AOAH: variants seen among roughly 807,000 people sequenced by gnomAD.
The protein encoded by AOAH is acyloxyacyl hydrolase (neutrophil).
Under a neutral mutation model 92.2 loss-of-function variants are expected in AOAH, and 64 were observed. The ratio of observed to expected loss-of-function variants is 0.69; its 90% CI spans 0.57 to 0.86. AOAH has a LOEUF of 0.86. AOAH is among the 40% of genes least tolerant of loss of function. AOAH has a pLI of 0.00. For missense variants in AOAH, 656 were observed against 694.6 expected, an observed-to-expected ratio of 0.94 and a Z score of 0.62; for synonymous variants, 263 against 254.5, an observed-to-expected ratio of 1.03 and a Z score of -0.32.
chr7:36,652,454 T>C (rs887671902), intron 4 of AOAH, among the ~76,000 whole-genome samples: 4 of 151,892 alleles, frequency 2.6e-5, no homozygotes, highest in Non-Finnish European at 5.9e-5. Flanking sequence ...TTCCATGTTC[T>C]GGGAGCAGGG....
At chr7:36,659,587 G>A (rs1795087438) in intron 3 of AOAH, among the ~76,000 whole-genome samples, 1 of 152,154 alleles carries the variant, frequency 6.6e-6, no homozygotes, top group Non-Finnish European at 1.5e-5. Flanking sequence ...AAAGTGGGCA[G>A]GGACGTAACT....
chr7:36,518,087 A>G (rs1166531610), intron 20 of AOAH, among the ~76,000 whole-genome samples: 1 of 152,174 alleles, frequency 6.6e-6, no homozygotes, highest in East Asian at 1.9e-4. Context: ...GAGTTTGACA[A>G]ATGCATACAG....
At chr7:36,625,706 G>A (rs902112579) in intron 6 of AOAH, among the ~76,000 whole-genome samples, 3 of 152,140 alleles carry the variant, frequency 2.0e-5, no homozygotes, top group Non-Finnish European at 4.4e-5. Context: ...TTCAGGTGTG[G>A]GCTGTAGCCA....
At chr7:36,645,101 A>G (rs1267879104) in intron 4 of AOAH, among the ~76,000 whole-genome samples, 1 of 152,184 alleles carries the variant, frequency 6.6e-6, no homozygotes, top group Non-Finnish European at 1.5e-5. Flanking sequence ...ATAAATAACT[A>G]CAGCATGAGG....
intron 20 of AOAH, chr7:36,514,755 C>G (rs1790241379): frequency 3.4e-6 from 2 of 593,520 alleles, no homozygotes; most frequent in Non-Finnish European, 5.9e-6. Context: ...AGGGATATCC[C>G]TGACTTTTCC....
At chr7:36,685,055 G>T (rs1478508849) in intron 2 of AOAH, among the ~76,000 whole-genome samples, 2 of 151,194 alleles carry the variant, frequency 1.3e-5, no homozygotes, top group African/African-American at 2.4e-5. Context: ...AAAGAAATCA[G>T]ATTGGAATAG....
chr7:36,669,786 T>A (rs1795796364), intron 3 of AOAH, among the ~76,000 whole-genome samples: 1 of 152,214 alleles, frequency 6.6e-6, no homozygotes, highest in Non-Finnish European at 1.5e-5. Context: ...TTAAAACTGT[T>A]AGTAGTTTAT....
At chr7:36,616,957 T>G (rs572250979) in intron 10 of AOAH, among the ~76,000 whole-genome samples, 1 of 152,236 alleles carries the variant, frequency 6.6e-6, no homozygotes, top group Non-Finnish European at 1.5e-5. Context: ...TTCTGACTGA[T>G]GGAGACACGG....
chr7:36,670,796 A>C (rs1584079048), intron 3 of AOAH, among the ~76,000 whole-genome samples: 2 of 152,212 alleles, frequency 1.3e-5, no homozygotes, highest in South Asian at 2.1e-4. Context: ...TTCTTTCTCC[A>C]TACCTATGCC....
At position 36,659,261 on chromosome 7, in the gene AOAH, T is replaced by C. The variant is rs1256640387; in HGVS notation, c.295A>G (p.Ser99Gly). 6.2e-7 allele frequency: 1 copy of C among 1,613,642 alleles called. No homozygotes were observed. The highest frequency in any genetic ancestry group is 1.3e-5 in the African/African-American group (1 of 74,916). The part of the protein sequence containing the change: ...KFGSDIIKLL[S>G]ADMNADVVCH... ...ACCACATCAGCATTCATATCTGCGC[T>C]AAGCCTGGAGGGAAACGGTGCAAAA... The change falls in exon 4 of 21, where the codon AGC (serine) becomes GGC (glycine). Residue 99 changes from serine (S) to glycine (G), a missense_variant. Coordinates refer to ENST00000617537, the MANE Select transcript of AOAH (RefSeq NM_001637.4).
intron 5 of AOAH, among the ~76,000 whole-genome samples, chr7:36,632,894 G>A (rs1177661808): frequency 6.6e-6 from 1 of 152,214 alleles, no homozygotes; most frequent in Non-Finnish European, 1.5e-5. Flanking sequence ...AGGTACTTAA[G>A]GATTTTTGAG....
chr7:36,719,458 C>A (rs1190157191), intron 1 of AOAH, among the ~76,000 whole-genome samples: 1 of 152,062 alleles, frequency 6.6e-6, no homozygotes, highest in Non-Finnish European at 1.5e-5. Flanking sequence ...TGGATGAAAC[C>A]CAACTAGTTC....
intron 4 of AOAH, among the ~76,000 whole-genome samples, chr7:36,656,807 A>T (rs2116499810): frequency 6.9e-6 from 1 of 145,492 alleles, no homozygotes; most frequent in Non-Finnish European, 1.5e-5. Flanking sequence ...TGACTTCACC[A>T]CGGCACCTAG....
chr7:36,707,253 T>TGGAGAGGG (rs1417041185), intron 1 of AOAH, among the ~76,000 whole-genome samples: 1 of 151,824 alleles, frequency 6.6e-6, no homozygotes, highest in Non-Finnish European at 1.5e-5. Context: ...GGGAGGGCAA[T>TGGAGAGGG]GGAGAGGGGG....
intron 1 of AOAH, among the ~76,000 whole-genome samples, chr7:36,719,204 ACAGT>A (rs749764594): frequency 1.3e-4 from 20 of 152,352 alleles, no homozygotes; most frequent in African/African-American, 3.8e-4. Context: ...GGCTTATCAT[ACAGT>A]CAGTGTCCAA....
At chr7:36,573,735 C>T (rs993789200) in intron 13 of AOAH, among the ~76,000 whole-genome samples, 3 of 152,080 alleles carry the variant, frequency 2.0e-5, no homozygotes, top group East Asian at 1.9e-4. Flanking sequence ...TAAAAAAATG[C>T]GTTATAATCA....
At chr7:36,616,890 G>T (rs1791929514) in intron 10 of AOAH, among the ~76,000 whole-genome samples, 1 of 152,172 alleles carries the variant, frequency 6.6e-6, no homozygotes, top group Non-Finnish European at 1.5e-5. Context: ...ATTTTTCAAG[G>T]ATGTTATGGT....
At chr7:36,530,974 TG>T (rs144561531) in intron 18 of AOAH, among the ~76,000 whole-genome samples, 8,527 of 152,314 alleles carry the variant, frequency 0.056, 285 homozygotes, top group African/African-American at 0.077. Context: ...AGATATACGA[TG>T]GCTCATCACA....
chr7:36,615,733 C>T (rs1055524064), intron 11 of AOAH, among the ~76,000 whole-genome samples: 6 of 152,174 alleles, frequency 3.9e-5, no homozygotes, highest in African/African-American at 1.4e-4. Flanking sequence ...ATATGTCTAC[C>T]CCATATTTAG....
Sources: allele counts gnomAD v4.1 joint callset (sites outside exome capture counted in the v4.1 genomes callset), GRCh38; gene constraint gnomAD v4.1.1; transcripts MANE v1.5; gene names NCBI Gene and HGNC (gene_info 2026-07-23, HGNC 2026-07-21).